Variants in TTC29 observed in about 807,000 individuals in gnomAD.
TTC29 encodes tetratricopeptide repeat protein 29.
In TTC29, 49 loss-of-function variants were observed where a neutral mutation model predicts 58.1. That is an observed-to-expected ratio of 0.84 (90% CI 0.67 to 1.07). The LOEUF (loss-of-function observed/expected upper bound fraction) is 1.07, where lower values mean the gene tolerates loss of function less well. Among genes scored for constraint, TTC29 ranks in the 50% least tolerant of loss-of-function variants. TTC29 has a pLI of 0.00. For synonymous variants in TTC29, 209 were observed against 196.8 expected (o/e 1.06, Z -0.52); for missense variants, 582 against 555.6 (o/e 1.05, Z -0.48).
chr4:146,724,739 C>CCGT (rs1743646175), intron 11 of TTC29, among the ~76,000 whole-genome samples: 1 of 152,238 alleles, frequency 6.6e-6, no homozygotes, highest in Non-Finnish European at 1.5e-5. Context: ...GTCTTGAGCT[C>CCGT]CTGACCTCAG....
At chr4:146,778,686 A>C (rs1217816650) in intron 11 of TTC29, among the ~76,000 whole-genome samples, 1 of 152,190 alleles carries the variant, frequency 6.6e-6, no homozygotes, top group African/African-American at 2.4e-5. Flanking sequence ...AATGATGAGC[A>C]ACAAAGAGCA....
chr4:146,869,126 T>G (rs1421251861), intron 7 of TTC29, among the ~76,000 whole-genome samples: 1 of 151,852 alleles, frequency 6.6e-6, no homozygotes, highest in African/African-American at 2.4e-5. Flanking sequence ...AAAACCTCTT[T>G]TCTTTATAAA....
At chr4:146,738,486 C>T (rs1254246148) in intron 11 of TTC29, among the ~76,000 whole-genome samples, 1 of 151,786 alleles carries the variant, frequency 6.6e-6, no homozygotes, top group Non-Finnish European at 1.5e-5. Context: ...ATGGACTGGA[C>T]TAATTATTAA....
At chr4:146,743,596 T>C (rs1232668666) in intron 11 of TTC29, among the ~76,000 whole-genome samples, 1 of 152,244 alleles carries the variant, frequency 6.6e-6, no homozygotes, top group Non-Finnish European at 1.5e-5. Context: ...TTCACTCATA[T>C]GTCTTTAGCA....
chr4:146,874,636 G>A (rs1158564517), intron 7 of TTC29, 80 bp downstream of exon 7: 1 of 1,150,152 alleles, frequency 8.7e-7, no homozygotes, highest in Admixed American at 2.1e-5. Context: ...CCTAACACTT[G>A]ACGATTTTTA....
At chr4:146,714,806 TA>T (rs1742806154) in intron 11 of TTC29, among the ~76,000 whole-genome samples, 1 of 152,070 alleles carries the variant, frequency 6.6e-6, no homozygotes, top group South Asian at 2.1e-4. Flanking sequence ...GCATCAGAGG[TA>T]AGTACAATGC....
chr4:146,819,905 T>C (rs915615093), intron 10 of TTC29, among the ~76,000 whole-genome samples: 1 of 152,170 alleles, frequency 6.6e-6, no homozygotes, highest in South Asian at 2.1e-4. Flanking sequence ...TCATAAGGAC[T>C]GTCCCCGCAT....
intron 7 of TTC29, among the ~76,000 whole-genome samples, chr4:146,870,326 A>G (rs1434461233): frequency 6.6e-6 from 1 of 152,014 alleles, no homozygotes; most frequent in African/African-American, 2.4e-5. Flanking sequence ...TGAAAACACA[A>G]CAAACCAAAA....
chr4:146,914,976 A>G (rs1734126353), intron 4 of TTC29, among the ~76,000 whole-genome samples: 1 of 152,142 alleles, frequency 6.6e-6, no homozygotes. Flanking sequence ...TCTGCCTTAA[A>G]CTATTTTGAA....
chr4:146,722,091 C>T (rs1001869634), intron 11 of TTC29, among the ~76,000 whole-genome samples: 2 of 151,378 alleles, frequency 1.3e-5, no homozygotes, highest in African/African-American at 4.9e-5. Flanking sequence ...ACACAATTAC[C>T]TAGGAATACA....
At chr4:146,868,885 G>A (rs1730740239) in intron 7 of TTC29, among the ~76,000 whole-genome samples, 1 of 151,968 alleles carries the variant, frequency 6.6e-6, no homozygotes, top group Non-Finnish European at 1.5e-5. Flanking sequence ...GAATGTCTTG[G>A]TGCCATCCTT....
chr4:146,869,289 G>T (rs906550769), intron 7 of TTC29, among the ~76,000 whole-genome samples: 2 of 152,028 alleles, frequency 1.3e-5, no homozygotes, highest in Non-Finnish European at 2.9e-5. Flanking sequence ...CCAAATAACC[G>T]CTGCTGAAGC....
At chr4:146,883,308 G>C (rs1020928441) in intron 6 of TTC29, among the ~76,000 whole-genome samples, 14 of 151,976 alleles carry the variant, frequency 9.2e-5, no homozygotes, top group African/African-American at 3.4e-4. Flanking sequence ...GTTGCAACGG[G>C]TGCGGAAACA....
intron 10 of TTC29, among the ~76,000 whole-genome samples, chr4:146,808,279 T>C (rs1750759035): frequency 6.6e-6 from 1 of 152,080 alleles, no homozygotes; most frequent in Non-Finnish European, 1.5e-5. Flanking sequence ...CCACAGCCAA[T>C]ATCATACTTA....
intron 11 of TTC29, among the ~76,000 whole-genome samples, chr4:146,745,550 A>G (rs1337421032): frequency 6.6e-6 from 1 of 152,250 alleles, no homozygotes; most frequent in Non-Finnish European, 1.5e-5. Flanking sequence ...AAATTGAGCT[A>G]AAGTCTGAAC....
chr4:146,710,004 T>C (rs1742363995), intron 11 of TTC29, among the ~76,000 whole-genome samples: 1 of 152,144 alleles, frequency 6.6e-6, no homozygotes, highest in African/African-American at 2.4e-5. Flanking sequence ...TCATCAGTGC[T>C]CTTCCTCTCT....
At chr4:146,868,138 C>A (rs928210197) in intron 7 of TTC29, among the ~76,000 whole-genome samples, 3 of 151,974 alleles carry the variant, frequency 2.0e-5, no homozygotes, top group African/African-American at 4.8e-5. Context: ...TAAGAGCTAC[C>A]GCATGTTCTC....
intron 11 of TTC29, among the ~76,000 whole-genome samples, chr4:146,767,215 C>G (rs1332089235): frequency 3.3e-5 from 5 of 151,886 alleles, no homozygotes; most frequent in Non-Finnish European, 7.4e-5. Context: ...TCAGAGAGCC[C>G]TGGTTTTAGT....
intron 11 of TTC29, among the ~76,000 whole-genome samples, chr4:146,738,197 G>C (rs1425766534): frequency 1.3e-5 from 2 of 151,980 alleles, no homozygotes; most frequent in Non-Finnish European, 2.9e-5. Context: ...AAAAAGTAGG[G>C]GTAAAAATAA....
Sources: allele counts gnomAD v4.1 joint callset (sites outside exome capture counted in the v4.1 genomes callset), GRCh38; gene constraint gnomAD v4.1.1; transcripts MANE v1.5; gene names NCBI Gene and HGNC (gene_info 2026-07-23, HGNC 2026-07-21).